CNTNAP5: variants seen among roughly 807,000 people sequenced by gnomAD.
CNTNAP5 encodes the protein contactin associated protein family member 5, also known as contactin-associated protein-like 5.
Under a neutral mutation model 150.2 loss-of-function variants are expected in CNTNAP5, and 72 were observed. The ratio of observed to expected loss-of-function variants is 0.48; its 90% CI spans 0.40 to 0.58. The LOEUF is 0.58. Ranked by LOEUF, CNTNAP5 falls within the 20% of genes least tolerant of loss-of-function variation. The pLI, the probability that CNTNAP5 is intolerant of heterozygous loss-of-function variation, is 0.00. For missense variants in CNTNAP5, 1,636 were observed against 1,626.2 expected, an observed-to-expected ratio of 1.01 and a Z score of -0.10; for synonymous variants, 672 against 619.8, an observed-to-expected ratio of 1.08 and a Z score of -1.25.
chr2:124,704,393 A>G (rs1260969397), intron 13 of CNTNAP5, among the ~76,000 whole-genome samples: 3 of 152,184 alleles, frequency 2.0e-5, no homozygotes, highest in Non-Finnish European at 4.4e-5. Flanking sequence ...AAACATAATA[A>G]AAGAGTGTTT....
At chr2:124,639,629 AT>A (rs1678048289) in intron 12 of CNTNAP5, among the ~76,000 whole-genome samples, 3 of 151,466 alleles carry the variant, frequency 2.0e-5, no homozygotes, top group Admixed American at 2.0e-4. Context: ...AACAAGTACT[AT>A]TATACTTATA....
At chr2:124,338,629 G>C (rs897857159) in intron 3 of CNTNAP5, among the ~76,000 whole-genome samples, 15 of 152,078 alleles carry the variant, frequency 9.9e-5, no homozygotes, top group African/African-American at 2.4e-5. Flanking sequence ...CCTAGGGAGA[G>C]GGTTTTAATA....
intron 3 of CNTNAP5, among the ~76,000 whole-genome samples, chr2:124,248,714 C>T (rs1444730888): frequency 6.6e-6 from 1 of 152,146 alleles, no homozygotes; most frequent in Non-Finnish European, 1.5e-5. Flanking sequence ...GGAGTAAATG[C>T]ACTCACACAT....
intron 11 of CNTNAP5, among the ~76,000 whole-genome samples, chr2:124,601,878 A>T (rs185541026): frequency 6.6e-6 from 1 of 152,178 alleles, no homozygotes; most frequent in African/African-American, 2.4e-5. Context: ...ATCTCAAGGG[A>T]ATTATTTTTA....
chr2:124,617,752 A>G (rs1315622447), intron 12 of CNTNAP5, among the ~76,000 whole-genome samples: 1 of 152,070 alleles, frequency 6.6e-6, no homozygotes, highest in Non-Finnish European at 1.5e-5. Flanking sequence ...TTCTTCACAG[A>G]CTAATCAAGG....
chr2:124,067,169 G>T (rs1277359512), intron 1 of CNTNAP5, among the ~76,000 whole-genome samples: 1 of 152,162 alleles, frequency 6.6e-6, no homozygotes, highest in African/African-American at 2.4e-5. Flanking sequence ...ACAAAATCTG[G>T]AAGTATAGTC....
intron 3 of CNTNAP5, among the ~76,000 whole-genome samples, chr2:124,390,072 A>G (rs369626686): frequency 6.6e-6 from 1 of 152,288 alleles, no homozygotes; most frequent in Admixed American, 6.5e-5. Flanking sequence ...CAGCTAAAAA[A>G]TCTGAAGTAT....
At chr2:124,546,177 A>G (rs1022770754) in intron 10 of CNTNAP5, among the ~76,000 whole-genome samples, 12 of 152,126 alleles carry the variant, frequency 7.9e-5, no homozygotes, top group African/African-American at 2.4e-4. Context: ...AAGATTAAAT[A>G]AAGACATTTC....
chr2:124,466,119 AT>A (rs1183234025), intron 6 of CNTNAP5, among the ~76,000 whole-genome samples: 1 of 152,006 alleles, frequency 6.6e-6, no homozygotes, highest in Non-Finnish European at 1.5e-5. Context: ...TTGATCTAAT[AT>A]TTGCCCTCTT....
chr2:124,481,288 G>A (rs565942802), intron 7 of CNTNAP5, among the ~76,000 whole-genome samples: 1 of 152,082 alleles, frequency 6.6e-6, no homozygotes, highest in Non-Finnish European at 1.5e-5. Context: ...CCAACATACT[G>A]GGGATGAAAT....
chr2:124,723,841 C>A (rs1416540602), intron 13 of CNTNAP5, among the ~76,000 whole-genome samples: 1 of 152,058 alleles, frequency 6.6e-6, no homozygotes, highest in East Asian at 1.9e-4. Context: ...AGCTTAATCA[C>A]CTCTTTTAAG....
At chr2:124,508,424 C>G (rs1342127433) in intron 8 of CNTNAP5, among the ~76,000 whole-genome samples, 2 of 152,170 alleles carry the variant, frequency 1.3e-5, no homozygotes, top group African/African-American at 2.4e-5. Context: ...GTTTCTCTAT[C>G]GGTGAGATGT....
intron 1 of CNTNAP5, among the ~76,000 whole-genome samples, chr2:124,150,909 T>C (rs1165614452): frequency 6.6e-6 from 1 of 152,130 alleles, no homozygotes; most frequent in Admixed American, 6.5e-5. Context: ...TTCTGAAGAG[T>C]AGCGTGTGCT....
At chr2:124,505,881 A>T (rs1404102968) in intron 8 of CNTNAP5, among the ~76,000 whole-genome samples, 1 of 152,222 alleles carries the variant, frequency 6.6e-6, no homozygotes, top group Non-Finnish European at 1.5e-5. Context: ...AATCTGAATA[A>T]AAACCTCCCT....
intron 1 of CNTNAP5, among the ~76,000 whole-genome samples, chr2:124,032,126 CAG>C (rs1681069967): frequency 6.6e-6 from 1 of 152,094 alleles, no homozygotes; most frequent in Non-Finnish European, 1.5e-5. Context: ...TTAGTCATGT[CAG>C]AGTGATAAAT....
intron 3 of CNTNAP5, among the ~76,000 whole-genome samples, chr2:124,252,794 T>TA (rs1288483687): frequency 6.6e-6 from 1 of 152,072 alleles, no homozygotes; most frequent in Non-Finnish European, 1.5e-5. Flanking sequence ...TGCATAATTA[T>TA]AAAAAAATTT....
At chr2:124,443,813 CGTGTGTGTGTGTGT>C (rs3034804) in intron 5 of CNTNAP5, among the ~76,000 whole-genome samples, 12 of 143,820 alleles carry the variant, frequency 8.3e-5, no homozygotes, top group African/African-American at 2.8e-4. Flanking sequence ...AATTCCTTGC[CGTGTGTGTGTGTGT>C]GTGTGTGTGT....
At chr2:124,876,863 C>T (rs932288736) in intron 21 of CNTNAP5, among the ~76,000 whole-genome samples, 3 of 151,804 alleles carry the variant, frequency 2.0e-5, no homozygotes, top group Non-Finnish European at 4.4e-5. Flanking sequence ...ATTTTAGATT[C>T]GTTAATCTAA....
intron 1 of CNTNAP5, among the ~76,000 whole-genome samples, chr2:124,045,142 C>G (rs963508974): frequency 6.6e-6 from 1 of 151,986 alleles, no homozygotes; most frequent in African/African-American, 2.4e-5. Context: ...CACTGTTTTC[C>G]CACTTCAAGA....
Sources: allele counts gnomAD v4.1 joint callset (sites outside exome capture counted in the v4.1 genomes callset), GRCh38; gene constraint gnomAD v4.1.1; transcripts MANE v1.5; gene names NCBI Gene and HGNC (gene_info 2026-07-23, HGNC 2026-07-21).